The following SPON1 variants were observed in gnomAD, a reference collection of about 807,000 sequenced individuals.
The protein encoded by SPON1 is spondin-1.
In SPON1, 52 loss-of-function variants were observed where a neutral mutation model predicts 111.7. That is an observed-to-expected ratio of 0.47 (90% CI 0.37 to 0.59). The LOEUF is 0.59. Among genes scored for constraint, SPON1 ranks in the 20% least tolerant of loss-of-function variants. SPON1 has a pLI of 0.00. For synonymous variants in SPON1, 410 were observed against 395.8 expected (o/e 1.04, Z -0.43); for missense variants, 957 against 1,068.5 (o/e 0.90, Z 1.46).
At chr11:14,041,045 C>T (rs890632532) in intron 2 of SPON1, among the ~76,000 whole-genome samples, 10 of 152,092 alleles carry the variant, frequency 6.6e-5, no homozygotes, top group African/African-American at 1.9e-4. Context: ...GTAGGAACTG[C>T]GCTAGTAAAA....
At chr11:14,194,629 A>T (rs1420402231) in intron 6 of SPON1, among the ~76,000 whole-genome samples, 4 of 152,114 alleles carry the variant, frequency 2.6e-5, no homozygotes, top group Non-Finnish European at 4.4e-5. Flanking sequence ...CTATTTCATT[A>T]CAAGGGACCA....
At chr11:14,218,329 C>G (rs1848646531) in intron 6 of SPON1, among the ~76,000 whole-genome samples, 1 of 152,114 alleles carries the variant, frequency 6.6e-6, no homozygotes, top group Admixed American at 6.6e-5. Context: ...TATGAAATAC[C>G]TGGTGAGAAC....
At chr11:14,126,684 A>G (rs1847463609) in intron 5 of SPON1, among the ~76,000 whole-genome samples, 1 of 152,172 alleles carries the variant, frequency 6.6e-6, no homozygotes, top group Non-Finnish European at 1.5e-5. Context: ...AAGGATAGTG[A>G]TAGTCTGCCG....
chr11:14,019,897 C>T (rs1344851532), intron 2 of SPON1, among the ~76,000 whole-genome samples: 1 of 152,184 alleles, frequency 6.6e-6, no homozygotes, highest in African/African-American at 2.4e-5. Flanking sequence ...TAGGCCACTA[C>T]CCCTTTTGTC....
chr11:14,082,342 A>G (rs1315685804), intron 5 of SPON1, among the ~76,000 whole-genome samples: 1 of 152,188 alleles, frequency 6.6e-6, no homozygotes, highest in South Asian at 2.1e-4. Context: ...CTTATAGACA[A>G]TTGTCAGATT....
intron 5 of SPON1, among the ~76,000 whole-genome samples, chr11:14,104,187 T>G (rs1849167511): frequency 6.6e-6 from 1 of 152,078 alleles, no homozygotes. Flanking sequence ...AATTATTGCA[T>G]TATTCCAGTT....
chr11:14,230,293 G>A (rs995518300), intron 6 of SPON1, among the ~76,000 whole-genome samples: 1 of 152,130 alleles, frequency 6.6e-6, no homozygotes, highest in African/African-American at 2.4e-5. Flanking sequence ...ATGGAAATCA[G>A]TTGATAAAGG....
intron 6 of SPON1, 110 bp from the exon 7 acceptor site, chr11:14,243,222 G>GC: frequency 9.7e-7 from 1 of 1,030,524 alleles, no homozygotes; most frequent in East Asian, 2.6e-5. Flanking sequence ...GGCAGGAAAA[G>GC]CCCCAACAGC....
chr11:14,137,093 C>T (rs1753538533), intron 6 of SPON1, among the ~76,000 whole-genome samples: 1 of 152,164 alleles, frequency 6.6e-6, no homozygotes, highest in South Asian at 2.1e-4. Flanking sequence ...TCAAGGGCAT[C>T]TTCATAATAA....
intron 3 of SPON1, among the ~76,000 whole-genome samples, chr11:14,073,717 G>A (rs1200187342): frequency 1.3e-5 from 2 of 152,176 alleles, no homozygotes; most frequent in African/African-American, 4.8e-5. Context: ...TCAGCTGCAG[G>A]TTTGGTTATT....
At chr11:14,001,364 G>A (rs182937619) in intron 2 of SPON1, among the ~76,000 whole-genome samples, 2 of 152,312 alleles carry the variant, frequency 1.3e-5, no homozygotes, top group Admixed American at 1.3e-4. Flanking sequence ...CCTCCAGCTT[G>A]AGGCATGGGA....
At chr11:14,002,188 T>C (rs1848324300) in intron 2 of SPON1, among the ~76,000 whole-genome samples, 1 of 152,172 alleles carries the variant, frequency 6.6e-6, no homozygotes, top group Admixed American at 6.5e-5. Context: ...ATATCTTCCT[T>C]ATAGAATTAC....
intron 6 of SPON1, among the ~76,000 whole-genome samples, chr11:14,219,796 C>T (rs1339561747): frequency 6.6e-6 from 1 of 152,120 alleles, no homozygotes; most frequent in Non-Finnish European, 1.5e-5. Context: ...CCATGATGTC[C>T]ATAAAAACCA....
Position 14,228,116 on chromosome 11 carries a change from T to C in SPON1, c.826-15216T>C, listed in dbSNP as rs932258837. ...GATGGGTGATGCTGTTTTGCTGAAATTAAATGACTGCTCACAATCTCGATG... is the reference window on the plus strand; with the variant it reads ...GATGGGTGATGCTGTTTTGCTGAAACTAAATGACTGCTCACAATCTCGATG... On this transcript the variant is annotated intron_variant, in intron 6 of 15. Transcript: ENST00000576479. The surrounding 1 kb of genome is among the most constrained non-coding windows in gnomAD (Gnocchi z 4.2). 3.3e-5 allele frequency among the ~76,000 whole-genome samples: 5 copies of C among 152,148 alleles called. No homozygotes were observed. The highest frequency in any genetic ancestry group is 7.2e-5 in the African/African-American group (3 of 41,436).
chr11:14,259,759 A>G lies in SPON1; in HGVS notation c.1831+58A>G, dbSNP rs1591430537. 6.7e-7 allele frequency: 1 copy of G among 1,500,832 alleles called. No individual in the cohort carries two copies. 93.0% of individuals were successfully genotyped at this position (1,500,832 alleles called of 1,614,324 possible). A position where few individuals can be genotyped will look rare whatever the true frequency, so the allele number is the denominator to read the frequency against. ...CCACTGGGGACAGGCGTGGAGGGCC[A>G]TGGCATCCACTATTACCACCATAAA... On this transcript the variant is annotated intron_variant, in intron 13 of 15. Transcript: ENST00000576479. The surrounding 1 kb of genome is among the most constrained non-coding windows in gnomAD (Gnocchi z 5.0).
At chr11:14,220,401 C>T (rs985062235) in intron 6 of SPON1, among the ~76,000 whole-genome samples, 12 of 152,136 alleles carry the variant, frequency 7.9e-5, no homozygotes, top group Admixed American at 3.3e-4. Flanking sequence ...AGAAGACCAG[C>T]GTTAAAGTTG....
intron 6 of SPON1, among the ~76,000 whole-genome samples, chr11:14,160,800 T>TTATATA (rs1554931031): frequency 3.3e-5 from 1 of 30,580 alleles, no homozygotes; most frequent in African/African-American, 1.2e-4. Flanking sequence ...ATTTATATAT[T>TTATATA]TTTATATATA....
At chr11:13,976,166 G>T (rs782544429) in intron 1 of SPON1, among the ~76,000 whole-genome samples, 11 of 152,144 alleles carry the variant, frequency 7.2e-5, no homozygotes, top group Admixed American at 5.2e-4. Flanking sequence ...CTAAATGTTT[G>T]CTGTTAATCA....
Position 14,265,447 on chromosome 11 carries a change from TCA to T in SPON1, c.2261-74_2261-73del, listed in dbSNP as rs1420473550. On this transcript the variant is annotated intron_variant, in intron 15 of 15. Transcript: ENST00000576479. ...GAGGAGGAGCCCAGACAAGCACATTTCACAGTTCTACTAGAGTTCAGCATCCC... is the reference window on the plus strand; with the variant it reads ...GAGGAGGAGCCCAGACAAGCACATTTCAGTTCTACTAGAGTTCAGCATCCC... 3.4e-6 allele frequency: 5 copies of T among 1,467,794 alleles called. No individual in the cohort carries two copies. The African/African-American group carries it at 7.0e-5, about 21-fold the overall frequency. The allele number at this position is 1,467,794 out of a possible 1,614,324, so 90.9% of individuals were successfully genotyped here. A position where few individuals can be genotyped will look rare whatever the true frequency, so the allele number is the denominator to read the frequency against.
Sources: allele counts gnomAD v4.1 joint callset (sites outside exome capture counted in the v4.1 genomes callset), GRCh38; gene constraint gnomAD v4.1.1; non-coding constraint Gnocchi (gnomAD v3.1); transcripts MANE v1.5; gene names NCBI Gene and HGNC (gene_info 2026-07-23, HGNC 2026-07-21).